The following RBM25 variants were observed in gnomAD, a reference collection of about 807,000 sequenced individuals.
RBM25 encodes the protein RNA-binding protein 25.
A neutral mutation model predicts 120.7 loss-of-function variants in RBM25; 19 were observed. The observed-to-expected ratio is 0.16, with a 90% confidence interval of 0.11 to 0.23. The LOEUF is 0.23. Among genes scored for constraint, RBM25 ranks in the 10% least tolerant of loss-of-function variants. The pLI, the probability that RBM25 is intolerant of heterozygous loss-of-function variation, is 1.00. For synonymous variants in RBM25, 390 were observed against 326.7 expected (o/e 1.19, Z -2.09); for missense variants, 605 against 1,041.5 (o/e 0.58, Z 5.77).
At chr14:73,079,855 A>G (rs534944434) in intron 4 of RBM25, among the ~76,000 whole-genome samples, 8 of 150,302 alleles carry the variant, frequency 5.3e-5, no homozygotes, top group Non-Finnish European at 7.5e-5. Context: ...GCCTGACTCC[A>G]TTTTTATTCT....
intron 4 of RBM25, among the ~76,000 whole-genome samples, chr14:73,078,030 C>G (rs1004999032): frequency 3.9e-5 from 6 of 152,054 alleles, no homozygotes; most frequent in Admixed American, 6.6e-5. Context: ...GGGCCAGATG[C>G]AGTGGCTCAT....
intron 18 of RBM25, among the ~76,000 whole-genome samples, chr14:73,116,802 A>G (rs1347044441): frequency 6.6e-6 from 1 of 152,182 alleles, no homozygotes; most frequent in Non-Finnish European, 1.5e-5. Context: ...TTTGAAGTGT[A>G]TTTAGACCAC....
At chr14:73,102,945 C>T in intron 9 of RBM25, 1 of 625,942 alleles carries the variant, frequency 1.6e-6, no homozygotes, top group Non-Finnish European at 2.5e-6. Context: ...TGGCCAGCCA[C>T]ACCTGACACA....
intron 5 of RBM25, 141 bp downstream of exon 5, chr14:73,083,692 A>G (rs61985146): frequency 0.069 from 35,449 of 513,296 alleles, 1,554 homozygotes; most frequent in Non-Finnish European, 0.088. Flanking sequence ...TTATTGAAAT[A>G]GGGTTAAAAG....
chr14:73,110,181 G>A (rs951283935), intron 14 of RBM25, among the ~76,000 whole-genome samples: 1 of 148,202 alleles, frequency 6.7e-6, no homozygotes, highest in African/African-American at 2.5e-5. Flanking sequence ...CACCGTGCCC[G>A]GCCTTTTTTT....
intron 9 of RBM25, chr14:73,100,611 C>T: frequency 1.4e-5 from 4 of 286,436 alleles, no homozygotes; most frequent in Non-Finnish European, 1.9e-5. Flanking sequence ...TAAGGTGTTG[C>T]TGGTTCTTAC....
chr14:73,110,708 C>T (rs1434317501), intron 14 of RBM25, 123 bp from the exon 15 acceptor site: 3 of 1,187,448 alleles, frequency 2.5e-6, no homozygotes, highest in Non-Finnish European at 3.5e-6. Flanking sequence ...GGATTACAGG[C>T]ATGAGCCACC....
chr14:73,076,470 T>A, intron 3 of RBM25, 102 bp downstream of exon 3: 3 of 1,065,126 alleles, frequency 2.8e-6, no homozygotes, highest in Admixed American at 2.1e-5. Context: ...TTTAAAAGAA[T>A]AACAAGGACA....
intron 1 of RBM25, among the ~76,000 whole-genome samples, chr14:73,065,645 C>T (rs903935020): frequency 3.3e-5 from 5 of 150,512 alleles, no homozygotes; most frequent in Non-Finnish European, 7.4e-5. Flanking sequence ...GTCTTGATCT[C>T]CTGACCTTGT....
rs1175630201 is a variant in RBM25 at position 73,068,101 on chromosome 14, C to T, written c.-15-3526C>T. ...AGCACATGAGCTACGACCACCCCAA[C>T]TTTACCTCGTTCACAGACAGAACTG... is the stretch of plus-strand genomic sequence containing the variant. On this transcript the variant is annotated intron_variant, in intron 1 of 18. Transcript: ENST00000261973. 4.4e-6 allele frequency: 3 copies of T among 685,390 alleles called. No homozygotes were observed. In the Admixed American group the frequency reaches 6.9e-5, roughly 16 times the overall value. The allele number at this position is 685,390 out of a possible 1,614,324, so 42.5% of individuals were successfully genotyped here. A position where few individuals can be genotyped will look rare whatever the true frequency, so the allele number is the denominator to read the frequency against.
At chr14:73,087,877 T>C (rs966077671) in intron 5 of RBM25, 124 bp from the exon 6 acceptor site, 6 of 881,186 alleles carry the variant, frequency 6.8e-6, no homozygotes, top group Non-Finnish European at 1.0e-5. Context: ...TGGACAGGGG[T>C]GGAATTATGA....
intron 18 of RBM25, among the ~76,000 whole-genome samples, chr14:73,115,679 T>G (rs1896412596): frequency 6.6e-6 from 1 of 151,996 alleles, no homozygotes; most frequent in Non-Finnish European, 1.5e-5. Context: ...GAGAAGAAAA[T>G]TGATGGTAAA....
intron 1 of RBM25, chr14:73,069,746 TAAAAAAAAAAAAAAAAAAAA>T (rs57669015): frequency 4.5e-5 from 2 of 44,154 alleles, no homozygotes; most frequent in East Asian, 1.9e-3. Context: ...CCCTGTTTCT[TAAAAAAAAAAAAAAAAAAAA>T]AAAAAAAAAA....
intron 9 of RBM25, chr14:73,100,109 T>C: frequency 4.3e-6 from 2 of 469,740 alleles, no homozygotes; most frequent in Non-Finnish European, 7.5e-6. Flanking sequence ...TTATTTAACT[T>C]GATCTTAGGA....
intron 10 of RBM25, among the ~76,000 whole-genome samples, chr14:73,104,442 C>T (rs1215342271): frequency 1.3e-5 from 2 of 151,122 alleles, no homozygotes; most frequent in African/African-American, 4.9e-5. Flanking sequence ...AGTGTTGGCT[C>T]ATTGCAACCT....
intron 4 of RBM25, among the ~76,000 whole-genome samples, chr14:73,080,094 T>C (rs1279646781): frequency 2.0e-5 from 3 of 150,316 alleles, no homozygotes; most frequent in Admixed American, 6.7e-5. Context: ...CAAATTCTCA[T>C]AGAAGTGCCG....
chr14:73,090,430 ATAC>A (rs1238079869), intron 6 of RBM25, among the ~76,000 whole-genome samples: 4 of 152,126 alleles, frequency 2.6e-5, no homozygotes, highest in African/African-American at 9.7e-5. Context: ...TCCCCTGCAC[ATAC>A]TACTGCATGT....
At chr14:73,090,646 A>G (rs1230346793) in intron 6 of RBM25, among the ~76,000 whole-genome samples, 1 of 152,116 alleles carries the variant, frequency 6.6e-6, no homozygotes, top group African/African-American at 2.4e-5. Context: ...GTTTTAGTAG[A>G]TATTGTTTAT....
intron 1 of RBM25, among the ~76,000 whole-genome samples, chr14:73,059,766 C>A (rs1280395250): frequency 6.6e-6 from 1 of 152,162 alleles, no homozygotes; most frequent in Non-Finnish European, 1.5e-5. Flanking sequence ...TCAAGTGAAT[C>A]TTATAGTATT....
Sources: allele counts gnomAD v4.1 joint callset (sites outside exome capture counted in the v4.1 genomes callset), GRCh38; gene constraint gnomAD v4.1.1; transcripts MANE v1.5; gene names NCBI Gene and HGNC (gene_info 2026-07-23, HGNC 2026-07-21).